GLIPR1L2: variants seen among roughly 807,000 people sequenced by gnomAD.
The protein encoded by GLIPR1L2 is GLIPR1 like 2.
A neutral mutation model predicts 28.4 loss-of-function variants in GLIPR1L2; 21 were observed. That is an observed-to-expected ratio of 0.74 (90% CI 0.52 to 1.06). The LOEUF is 1.06. GLIPR1L2 is among the 50% of genes least tolerant of loss of function. GLIPR1L2 has a pLI of 0.00. For synonymous variants in GLIPR1L2, 145 were observed against 139.3 expected (o/e 1.04, Z -0.29); for missense variants, 476 against 416.9 (o/e 1.14, Z -1.23).
chr12:75,418,399 G>A (rs2045944269), intron 3 of GLIPR1L2, among the ~76,000 whole-genome samples: 1 of 152,080 alleles, frequency 6.6e-6, no homozygotes, highest in African/African-American at 2.4e-5. Context: ...GAAGGTATAA[G>A]GACTTACCTA....
intron 1 of GLIPR1L2, among the ~76,000 whole-genome samples, chr12:75,394,820 G>C (rs1285123672): frequency 7.2e-6 from 1 of 137,988 alleles, no homozygotes; most frequent in Non-Finnish European, 1.5e-5. Flanking sequence ...TCCTTGATTT[G>C]TAACATTTTG....
intron 3 of GLIPR1L2, among the ~76,000 whole-genome samples, chr12:75,421,706 A>G (rs1388383395): frequency 6.6e-6 from 1 of 152,096 alleles, no homozygotes; most frequent in African/African-American, 2.4e-5. Context: ...GCTGTAGGCA[A>G]TTGATGTAAT....
At position 75,430,861 on chromosome 12, in the gene GLIPR1L2, G is replaced by A; in HGVS notation, c.735G>A (p.Arg245=). 6.5e-7 allele frequency: 1 copy of A among 1,535,206 alleles called. No homozygotes were observed. The highest frequency in any genetic ancestry group is 8.7e-7 in the Non-Finnish European group (1 of 1,146,246). The change falls in exon 6 of 6, where the codon CGG becomes CGA. Residue 245 remains arginine, a synonymous_variant. Coordinates refer to ENST00000550916, the MANE Select transcript of GLIPR1L2 (RefSeq NM_001270396.2). The part of the protein sequence containing the change: ...RFWYPKWEMP[R]PVVCDPLCTF... The stretch of plus-strand genomic sequence containing the variant: ...GGTATCCAAAATGGGAAATGCCCCG[G>A]CCAGTTGTGTGTGATCCACTGTGCA...
At chr12:75,406,926 A>G (rs2045808358) in intron 1 of GLIPR1L2, among the ~76,000 whole-genome samples, 1 of 151,990 alleles carries the variant, frequency 6.6e-6, no homozygotes, top group Non-Finnish European at 1.5e-5. Context: ...TGCATCACCC[A>G]GTTTTCACAA....
chr12:75,423,213 A>G (rs2045997244), intron 4 of GLIPR1L2: 1 of 1,367,160 alleles, frequency 7.3e-7, no homozygotes, highest in South Asian at 1.9e-5. Context: ...CTGAGGACAT[A>G]CCAGAGTGTC....
Position 75,391,105 on chromosome 12 carries a change from G to C in GLIPR1L2, c.-12G>C, listed in dbSNP as rs1421982685. On this transcript the variant is annotated 5_prime_UTR_variant, in exon 1 of 6. Transcript: ENST00000550916. ...AGCGCGTGCGCACTGGCCTGTCAGC[G>C]GCCGGTGGACCATGGAGGCCGCAAG... is the stretch of plus-strand genomic sequence containing the variant. The C allele has an allele frequency of 1.9e-6, 3 of 1,600,226 alleles. No individual in the cohort carries two copies. The highest frequency in any genetic ancestry group is 3.8e-4 in the Middle Eastern group (2 of 5,332).
chr12:75,409,427 G>A (rs1331754185), intron 1 of GLIPR1L2, among the ~76,000 whole-genome samples: 1 of 151,358 alleles, frequency 6.6e-6, no homozygotes, highest in Non-Finnish European at 1.5e-5. Context: ...CACATTTCTG[G>A]TTATTTCCAG....
At chr12:75,416,410 T>C (rs2045924289) in intron 3 of GLIPR1L2, among the ~76,000 whole-genome samples, 1 of 152,016 alleles carries the variant, frequency 6.6e-6, no homozygotes, top group Non-Finnish European at 1.5e-5. Context: ...AGAGTGAATA[T>C]GGAGACAATT....
intron 4 of GLIPR1L2, among the ~76,000 whole-genome samples, chr12:75,425,631 A>G (rs563027247): frequency 1.3e-4 from 20 of 152,340 alleles, no homozygotes; most frequent in African/African-American, 4.8e-4. Flanking sequence ...GGACAAACTT[A>G]TACTAAAACA....
At chr12:75,399,010 T>C (rs761125946) in intron 1 of GLIPR1L2, among the ~76,000 whole-genome samples, 42 of 152,230 alleles carry the variant, frequency 2.8e-4, no homozygotes, top group Non-Finnish European at 5.6e-4. Flanking sequence ...TTTGTTGATA[T>C]AAATCTAGTT....
chr12:75,413,850 A>T, intron 3 of GLIPR1L2, 149 bp downstream of exon 3: 1 of 460,016 alleles, frequency 2.2e-6, no homozygotes, highest in Non-Finnish European at 3.8e-6. Context: ...TTTATAATGA[A>T]ATAAGTCTTA....
At chr12:75,395,990 T>TA (rs1025650287) in intron 1 of GLIPR1L2, among the ~76,000 whole-genome samples, 229 of 152,094 alleles carry the variant, frequency 1.5e-3, no homozygotes, top group African/African-American at 5.1e-3. Context: ...TTCATCTTTT[T>TA]AAAAAAAATG....
At chr12:75,417,872 T>C (rs2045938469) in intron 3 of GLIPR1L2, among the ~76,000 whole-genome samples, 1 of 151,994 alleles carries the variant, frequency 6.6e-6, no homozygotes, top group Non-Finnish European at 1.5e-5. Flanking sequence ...AAAAGTAAAA[T>C]AAAACAATAT....
chr12:75,424,591 A>C (rs919702183), intron 4 of GLIPR1L2, among the ~76,000 whole-genome samples: 2 of 150,526 alleles, frequency 1.3e-5, no homozygotes, highest in South Asian at 4.3e-4. Context: ...TACTACGGAC[A>C]GGTGCCACCA....
At chr12:75,415,624 A>T (rs2045915933) in intron 3 of GLIPR1L2, among the ~76,000 whole-genome samples, 1 of 152,112 alleles carries the variant, frequency 6.6e-6, no homozygotes, top group South Asian at 2.1e-4. Context: ...GGATTGGCGA[A>T]GTACCTGCTT....
At chr12:75,425,747 G>A (rs1050039887) in intron 4 of GLIPR1L2, among the ~76,000 whole-genome samples, 7 of 152,072 alleles carry the variant, frequency 4.6e-5, no homozygotes, top group Admixed American at 2.0e-4. Context: ...GCGTGCTAGG[G>A]GCTAGAGACA....
At chr12:75,429,096 C>T (rs1375402302) in intron 4 of GLIPR1L2, among the ~76,000 whole-genome samples, 1 of 152,148 alleles carries the variant, frequency 6.6e-6, no homozygotes, top group Non-Finnish European at 1.5e-5. Context: ...GAGAAGAGGG[C>T]CACCATCCTC....
chr12:75,422,858 A>G (rs2045991243), intron 3 of GLIPR1L2, 46 bp from the exon 4 acceptor site: 1 of 1,468,740 alleles, frequency 6.8e-7, no homozygotes, highest in Non-Finnish European at 9.3e-7. Flanking sequence ...ACATGTAAAA[A>G]TGGAAGCTTA....
chr12:75,414,408 T>C (rs949191640), intron 3 of GLIPR1L2, among the ~76,000 whole-genome samples: 1 of 152,072 alleles, frequency 6.6e-6, no homozygotes, highest in Admixed American at 6.6e-5. Flanking sequence ...ACAGTAAGAA[T>C]TGACTGCCTA....
Sources: allele counts gnomAD v4.1 joint callset (sites outside exome capture counted in the v4.1 genomes callset), GRCh38; gene constraint gnomAD v4.1.1; transcripts MANE v1.5; gene names NCBI Gene and HGNC (gene_info 2026-07-23, HGNC 2026-07-21).